The following MACROD2 variants were observed in gnomAD, a reference collection of about 807,000 sequenced individuals.
The protein encoded by MACROD2 is mono-ADP ribosylhydrolase 2.
MACROD2 carries 36 observed loss-of-function variants against 70.4 expected under a neutral mutation model. The observed-to-expected ratio is 0.51, with a 90% CI of 0.39 to 0.68. The LOEUF is 0.68. Among genes scored for constraint, MACROD2 ranks in the 30% least tolerant of loss-of-function variants. MACROD2 has a pLI of 0.00. For missense variants in MACROD2, 496 were observed against 538.4 expected (o/e 0.92, Z 0.78); for synonymous variants, 172 against 178.8 (o/e 0.96, Z 0.30).
intron 5 of MACROD2, among the ~76,000 whole-genome samples, chr20:14,938,806 G>C (rs1044060630): frequency 5.3e-5 from 8 of 151,882 alleles, no homozygotes; most frequent in African/African-American, 1.7e-4. Context: ...AAACCAAACA[G>C]AATTTGTGGT....
chr20:15,780,051 A>C (rs75492193), intron 8 of MACROD2, among the ~76,000 whole-genome samples: 1 of 151,930 alleles, frequency 6.6e-6, no homozygotes, highest in African/African-American at 2.4e-5. Flanking sequence ...ATTAAAAAAA[A>C]CACACATCTG....
At chr20:14,729,854 A>T (rs1250182767) in intron 5 of MACROD2, among the ~76,000 whole-genome samples, 1 of 152,136 alleles carries the variant, frequency 6.6e-6, no homozygotes, top group Non-Finnish European at 1.5e-5. Flanking sequence ...CAAAGGTAGG[A>T]TTATAGTATT....
At chr20:15,388,139 A>G (rs1314389113) in intron 6 of MACROD2, among the ~76,000 whole-genome samples, 1 of 152,104 alleles carries the variant, frequency 6.6e-6, no homozygotes, top group East Asian at 1.9e-4. Context: ...GAGTAAGAGT[A>G]AGCCAATGAA....
chr20:14,304,122 T>C (rs2082499684), intron 3 of MACROD2, among the ~76,000 whole-genome samples: 1 of 152,216 alleles, frequency 6.6e-6, no homozygotes, highest in Admixed American at 6.5e-5. Context: ...ATGCAAACTT[T>C]CATGTCATCA....
At chr20:14,873,348 C>T (rs1224979793) in intron 5 of MACROD2, among the ~76,000 whole-genome samples, 2 of 152,076 alleles carry the variant, frequency 1.3e-5, no homozygotes, top group South Asian at 2.1e-4. Context: ...CTGTCTGCAA[C>T]TACAGTCACT....
intron 15 of MACROD2, among the ~76,000 whole-genome samples, chr20:16,036,997 G>A (rs1182229059): frequency 6.6e-6 from 1 of 151,934 alleles, no homozygotes; most frequent in Non-Finnish European, 1.5e-5. Context: ...CTCTGCTCCA[G>A]GAATATAGTG....
In MACROD2 at chr20:15,107,098, C is replaced by T. The variant is rs1281556556; in HGVS notation, c.419-122842C>T. Among the ~76,000 whole-genome samples the T allele has an allele frequency of 4.7e-5, 7 of 150,088 alleles. 1 individual carries two copies. In the East Asian group the frequency reaches 1.4e-3, roughly 29 times the overall value. On this transcript the variant is annotated intron_variant, in intron 5 of 17. Transcript: ENST00000684519. ...AGGCTTTTGGGATTTTGTTTTTAAACAAGTATTACAGCTTAAAACATTTCC... is the reference window on the plus strand; with the variant it reads ...AGGCTTTTGGGATTTTGTTTTTAAATAAGTATTACAGCTTAAAACATTTCC...
intron 10 of MACROD2, among the ~76,000 whole-genome samples, chr20:15,903,951 G>A (rs143056710): frequency 2.0e-5 from 3 of 152,192 alleles, no homozygotes; most frequent in Non-Finnish European, 2.9e-5. Flanking sequence ...GTTGAATGTG[G>A]CATGTGAGAG....
At chr20:15,842,609 A>C (rs182226736) in intron 8 of MACROD2, among the ~76,000 whole-genome samples, 105 of 152,090 alleles carry the variant, frequency 6.9e-4, no homozygotes, top group African/African-American at 2.3e-3. Context: ...TGCTATTTGA[A>C]CATCACAAAT....
chr20:14,019,726 G>C (rs1013767232), intron 2 of MACROD2, among the ~76,000 whole-genome samples: 7 of 152,090 alleles, frequency 4.6e-5, no homozygotes, highest in African/African-American at 1.2e-4. Context: ...GATCTGGGTG[G>C]AGCCATCTTG....
chr20:15,560,762 C>CAAAAAAAAA (rs71190190), intron 8 of MACROD2, among the ~76,000 whole-genome samples: 7 of 22,084 alleles, frequency 3.2e-4, no homozygotes, highest in East Asian at 1.1e-3. Context: ...AACAAAGTCT[C>CAAAAAAAAA]AAAAAAAAAA....
intron 5 of MACROD2, among the ~76,000 whole-genome samples, chr20:15,008,705 T>C (rs887406942): frequency 6.6e-6 from 1 of 152,198 alleles, no homozygotes; most frequent in Non-Finnish European, 1.5e-5. Context: ...GTAGTTTACG[T>C]AGTAAAATGC....
At chr20:14,227,752 T>C (rs1278822043) in intron 3 of MACROD2, among the ~76,000 whole-genome samples, 1 of 152,262 alleles carries the variant, frequency 6.6e-6, no homozygotes, top group Non-Finnish European at 1.5e-5. Flanking sequence ...GGGCTGAGCC[T>C]TTAAAATTTC....
intron 3 of MACROD2, among the ~76,000 whole-genome samples, chr20:14,299,380 G>T (rs964390009): frequency 6.6e-6 from 1 of 151,992 alleles, no homozygotes; most frequent in East Asian, 1.9e-4. Flanking sequence ...TAGTATAAAC[G>T]TTAACTTTTA....
At chr20:14,119,631 T>C (rs6079305) in intron 3 of MACROD2, among the ~76,000 whole-genome samples, 2,275 of 152,344 alleles carry the variant, frequency 0.015, 29 homozygotes, top group Non-Finnish European at 0.023. Context: ...AAGGACCTAC[T>C]GTCTGCTAGC....
Position 15,227,823 on chromosome 20 carries a change from G to GTTTTTTTTTTTTTTTTTTTTTTTT in MACROD2, c.419-2114_419-2091dup, listed in dbSNP as rs59129207. ...TAACTGGTGTGATAGAATTTCACCT[G>GTTTTTTTTTTTTTTTTTTTTTTTT]TTTTTTTTTTTTTTTTTTTTTTTTT... On this transcript the variant is annotated intron_variant, in intron 5 of 17. Transcript: ENST00000684519. Among the ~76,000 whole-genome samples, 25 of 46,102 alleles carry GTTTTTTTTTTTTTTTTTTTTTTTT rather than the reference G, an allele frequency of 5.4e-4. 5 individuals carry two copies. The highest frequency in any genetic ancestry group is 1.9e-3 in the South Asian group (2 of 1,044). 30.2% of individuals were successfully genotyped at this position (46,102 alleles called of 152,430 possible).
At chr20:14,153,520 A>T (rs1322820518) in intron 3 of MACROD2, among the ~76,000 whole-genome samples, 1 of 152,186 alleles carries the variant, frequency 6.6e-6, no homozygotes, top group Non-Finnish European at 1.5e-5. Context: ...TTTTTTTCAG[A>T]TACAACCAAT....
chr20:14,473,600 CT>C (rs34111700), intron 3 of MACROD2, among the ~76,000 whole-genome samples: 22,478 of 152,114 alleles, frequency 0.15, 2,336 homozygotes, highest in Non-Finnish European at 0.21. Context: ...AATAATGCTT[CT>C]AACAAACTTG....
chr20:15,254,453 G>A (rs1298615332), intron 6 of MACROD2, among the ~76,000 whole-genome samples: 1 of 152,022 alleles, frequency 6.6e-6, no homozygotes, highest in East Asian at 1.9e-4. Flanking sequence ...CTGTAGCTTG[G>A]ATTTAAGCTC....
Sources: allele counts gnomAD v4.1 joint callset (sites outside exome capture counted in the v4.1 genomes callset), GRCh38; gene constraint gnomAD v4.1.1; transcripts MANE v1.5; gene names NCBI Gene and HGNC (gene_info 2026-07-23, HGNC 2026-07-21).